Variants in LRBA observed in about 807,000 individuals in gnomAD.
LRBA encodes the protein lipopolysaccharide-responsive and beige-like anchor protein.
Under a neutral mutation model 330.0 loss-of-function variants are expected in LRBA, and 176 were observed. The ratio of observed to expected loss-of-function variants is 0.53; its 90% confidence interval spans 0.47 to 0.60. The LOEUF is 0.60. Among genes scored for constraint, LRBA ranks in the 20% least tolerant of loss-of-function variants. The pLI, the probability that LRBA is intolerant of heterozygous loss-of-function variation, is 0.00. For missense variants in LRBA, 3,259 were observed against 3,444.8 expected (o/e 0.95, Z 1.35); for synonymous variants, 1,230 against 1,193.0 (o/e 1.03, Z -0.64).
intron 14 of LRBA, 138 bp from the exon 15 acceptor site, chr4:150,897,956 T>C (rs2127122784): frequency 1.6e-6 from 1 of 618,444 alleles, no homozygotes; most frequent in East Asian, 2.8e-5. Context: ...AATGACCTTT[T>C]ATGCCTCTAG....
chr4:150,817,347 CTT>C (rs1744755382), intron 30 of LRBA, 90 bp from the exon 31 acceptor site: 2 of 1,168,034 alleles, frequency 1.7e-6, no homozygotes, highest in South Asian at 1.3e-5. Context: ...AGGTAGCTAA[CTT>C]ATTTTTCTAA....
At chr4:150,726,527 G>A (rs1308768366) in intron 36 of LRBA, among the ~76,000 whole-genome samples, 1 of 152,150 alleles carries the variant, frequency 6.6e-6, no homozygotes, top group African/African-American at 2.4e-5. Flanking sequence ...AATTTATAAA[G>A]GAAAGAGGTT....
intron 56 of LRBA, among the ~76,000 whole-genome samples, chr4:150,268,661 G>A (rs1252176665): frequency 6.6e-6 from 1 of 152,200 alleles, no homozygotes; most frequent in Non-Finnish European, 1.5e-5. Flanking sequence ...AAGCCCACAT[G>A]ATCATCTCAA....
chr4:150,280,907 G>A (rs777622649), intron 55 of LRBA, among the ~76,000 whole-genome samples: 8 of 152,202 alleles, frequency 5.3e-5, no homozygotes, highest in Non-Finnish European at 1.2e-4. Context: ...TTGCAAGTTA[G>A]CATGATAAAG....
At chr4:150,331,719 G>C (rs1471106783) in intron 48 of LRBA, among the ~76,000 whole-genome samples, 1 of 152,020 alleles carries the variant, frequency 6.6e-6, no homozygotes, top group Non-Finnish European at 1.5e-5. Flanking sequence ...TCTTCTAAGG[G>C]GCTGAATATA....
Position 150,725,931 on chromosome 4 carries a change from A to C in LRBA, c.5754+9327T>G, listed in dbSNP as rs561993901. Among the ~76,000 whole-genome samples the C allele has an allele frequency of 2.0e-5, 3 of 152,302 alleles. No individual in the cohort carries two copies. The South Asian group carries it at 6.2e-4, about 32-fold the overall frequency. ...GAAGTGAAGTTGCCATTAGTTTTACATAACAGGTTATAAGATTGTGTTGGC... is the reference window on the plus strand; with the variant it reads ...GAAGTGAAGTTGCCATTAGTTTTACCTAACAGGTTATAAGATTGTGTTGGC... On this transcript the variant is annotated intron_variant, in intron 36 of 56. Coordinates refer to ENST00000651943, the MANE Select transcript of LRBA (RefSeq NM_001364905.1).
intron 56 of LRBA, among the ~76,000 whole-genome samples, chr4:150,270,669 TTA>T (rs1745954969): frequency 1.3e-5 from 2 of 152,174 alleles, no homozygotes; most frequent in South Asian, 2.1e-4. Context: ...ATGGAAAATA[TTA>T]TATGTTGCCA....
chr4:150,464,336 T>C (rs1056859189), intron 44 of LRBA, among the ~76,000 whole-genome samples: 7 of 152,064 alleles, frequency 4.6e-5, no homozygotes, highest in Admixed American at 3.3e-4. Flanking sequence ...TATTTTTACT[T>C]TTGCAAACAC....
At chr4:150,430,937 T>C (rs1561167244) in intron 46 of LRBA, among the ~76,000 whole-genome samples, 2 of 152,100 alleles carry the variant, frequency 1.3e-5, no homozygotes, top group African/African-American at 2.4e-5. Flanking sequence ...CACCATTAGA[T>C]TGAATTTATC....
chr4:150,718,757 A>G (rs1396834040), intron 36 of LRBA, among the ~76,000 whole-genome samples: 1 of 152,146 alleles, frequency 6.6e-6, no homozygotes, highest in African/African-American at 2.4e-5. Flanking sequence ...CTCATAGCAC[A>G]ATGATTAAAA....
chr4:150,419,766 T>C (rs1748369286), intron 46 of LRBA, among the ~76,000 whole-genome samples: 1 of 151,064 alleles, frequency 6.6e-6, no homozygotes, highest in East Asian at 2.0e-4. Context: ...GCTTCCTTAG[T>C]AGCTGAGATT....
At chr4:150,555,889 A>C (rs1349907556) in intron 40 of LRBA, among the ~76,000 whole-genome samples, 4 of 151,916 alleles carry the variant, frequency 2.6e-5, no homozygotes, top group Non-Finnish European at 5.9e-5. Context: ...TGCAGCCTTA[A>C]TCTCCTGGGT....
rs1379638645 is a variant in LRBA, at chr4:150,332,817, C to T, written c.7363-6919G>A. ...AATAAAAAAGACTATGCAAATACTT[C>T]AAGACATTGCAGTAAAACCACATAT... On this transcript the variant is annotated intron_variant, in intron 48 of 56. Coordinates refer to ENST00000651943, the MANE Select transcript of LRBA (RefSeq NM_001364905.1). Among the ~76,000 whole-genome samples, 3 of 152,096 alleles carry T rather than the reference C, an allele frequency of 2.0e-5. No homozygotes were observed. The East Asian group carries it at 5.8e-4, about 29-fold the overall frequency.
intron 37 of LRBA, among the ~76,000 whole-genome samples, chr4:150,634,377 G>A (rs192053204): frequency 6.6e-6 from 1 of 152,208 alleles, no homozygotes; most frequent in Admixed American, 6.5e-5. Flanking sequence ...TATTATGGGA[G>A]CTCTGAGGCA....
chr4:150,575,665 C>T (rs1770447768), intron 40 of LRBA, among the ~76,000 whole-genome samples: 1 of 151,876 alleles, frequency 6.6e-6, no homozygotes, highest in Admixed American at 6.6e-5. Flanking sequence ...CAGCTCAACA[C>T]TAGCATAATC....
chr4:150,456,381 G>A (rs1754069278), intron 44 of LRBA, among the ~76,000 whole-genome samples: 1 of 152,134 alleles, frequency 6.6e-6, no homozygotes. Context: ...GGAGTGAGAT[G>A]ATAGCTCATT....
At chr4:150,761,727 GA>G (rs1475317935) in intron 35 of LRBA, 55 bp downstream of exon 35, 3 of 1,210,414 alleles carry the variant, frequency 2.5e-6, no homozygotes, top group African/African-American at 1.6e-5. Context: ...ATGCCTATAG[GA>G]AAAACCCAAG....
chr4:150,968,088 T>C (rs1341029858), intron 2 of LRBA, among the ~76,000 whole-genome samples: 4 of 145,626 alleles, frequency 2.7e-5, no homozygotes, highest in African/African-American at 1.0e-4. Context: ...TACTGCAACC[T>C]CCACCTCCCA....
Position 150,471,680 on chromosome 4 carries a change from C to A in LRBA, c.6611G>T (p.Trp2204Leu). The change falls in exon 43 of 57, where the codon TGG (tryptophan) becomes TTG (leucine). Residue 2204 changes from tryptophan to leucine, a missense_variant. Coordinates refer to ENST00000651943, the MANE Select transcript of LRBA (RefSeq NM_001364905.1). ...LFKASNMTQR[W>L]QHREISNFEY... ...AAAATTAGATATCTCTCTGTGTTGC[C>A]ATCGCTGGGTCATATTAGAAGCCTT... 6.2e-7 allele frequency: 1 copy of A among 1,609,766 alleles called. No homozygotes were observed. The highest frequency in any genetic ancestry group is 8.5e-7 in the Non-Finnish European group (1 of 1,178,620).
Sources: allele counts gnomAD v4.1 joint callset (sites outside exome capture counted in the v4.1 genomes callset), GRCh38; gene constraint gnomAD v4.1.1; transcripts MANE v1.5; gene names NCBI Gene and HGNC (gene_info 2026-07-23, HGNC 2026-07-21).